The following CUX2 variants were observed in gnomAD, a reference collection of about 807,000 sequenced individuals.
CUX2 encodes homeobox protein cut-like 2.
Under a neutral mutation model 144.8 loss-of-function variants are expected in CUX2, and 40 were observed. That is an observed-to-expected ratio of 0.28 (90% CI 0.21 to 0.36). The LOEUF is 0.36. Among genes scored for constraint, CUX2 ranks in the 10% least tolerant of loss-of-function variants. CUX2 has a pLI of 1.00. For missense variants in CUX2, 1,615 were observed against 1,994.0 expected (o/e 0.81, Z 3.62); for synonymous variants, 827 against 875.6 (o/e 0.94, Z 0.98).
At chr12:111,038,517 T>C (rs1869572129) in intron 1 of CUX2, among the ~76,000 whole-genome samples, 1 of 152,252 alleles carries the variant, frequency 6.6e-6, no homozygotes. Flanking sequence ...GACTCTCTTC[T>C]AACTCCAGCC....
intron 3 of CUX2, among the ~76,000 whole-genome samples, chr12:111,260,564 G>A (rs911229154): frequency 2.6e-5 from 4 of 152,086 alleles, no homozygotes; most frequent in African/African-American, 4.8e-5. Context: ...GTTTGAAATC[G>A]TTGCATTTCA....
chr12:111,336,776 A>G (rs1888373505), intron 19 of CUX2, among the ~76,000 whole-genome samples: 1 of 151,832 alleles, frequency 6.6e-6, no homozygotes. Context: ...TGTCTCTTTG[A>G]CACTTTCTGA....
At position 111,341,953 on chromosome 12, in the gene CUX2, T is replaced by C; in HGVS notation, c.3559T>C (p.Tyr1187His). The C allele has an allele frequency of 6.2e-7, 1 of 1,614,096 alleles. No individual in the cohort carries two copies. Among genetic ancestry groups the C allele is most frequent in the South Asian group, 1.1e-5 (1 of 91,078 alleles). Residue 1187 changes from tyrosine (Y) to histidine (H), a missense_variant, in exon 21 of 22, where the codon TAT becomes CAT. Physicochemically the swap from Tyr to His is moderately conservative, Grantham distance 83. Coordinates refer to ENST00000261726, the MANE Select transcript of CUX2 (RefSeq NM_015267.4). ...GGAGAAGGAGGCACTGCGGAAGGCC[T>C]ATCAGCTGGAACCCTACCCCTCGCA... Reference protein sequence around the residue: ...PEEKEALRKAYQLEPYPSQQT... With the variant: ...PEEKEALRKAHQLEPYPSQQT...
chr12:111,321,552 A>G (rs1355427137), intron 17 of CUX2, among the ~76,000 whole-genome samples: 1 of 151,960 alleles, frequency 6.6e-6, no homozygotes, highest in African/African-American at 2.4e-5. Flanking sequence ...AAATTAGCCA[A>G]GTGTGGTGGT....
intron 1 of CUX2, among the ~76,000 whole-genome samples, chr12:111,109,106 A>G (rs960740263): frequency 7.9e-5 from 12 of 152,156 alleles, no homozygotes; most frequent in South Asian, 2.1e-4. Flanking sequence ...GCTGGGTTTC[A>G]TGACCACTGA....
intron 1 of CUX2, among the ~76,000 whole-genome samples, chr12:111,128,033 G>A (rs1875203612): frequency 6.6e-6 from 1 of 152,192 alleles, no homozygotes; most frequent in African/African-American, 2.4e-5. Context: ...AACCATATCA[G>A]TGGGTAATAG....
intron 1 of CUX2, among the ~76,000 whole-genome samples, chr12:111,038,167 A>C (rs1869551123): frequency 6.6e-6 from 1 of 152,226 alleles, no homozygotes; most frequent in South Asian, 2.1e-4. Context: ...GATGTGATTA[A>C]AATATTATAA....
At chr12:111,047,419 G>A (rs985573011) in intron 1 of CUX2, among the ~76,000 whole-genome samples, 9 of 152,020 alleles carry the variant, frequency 5.9e-5, no homozygotes, top group East Asian at 1.9e-4. Context: ...TACAGTTCGC[G>A]TTTTTACCTT....
chr12:111,166,728 G>T (rs1566267574), intron 1 of CUX2, among the ~76,000 whole-genome samples: 1 of 152,242 alleles, frequency 6.6e-6, no homozygotes, highest in Non-Finnish European at 1.5e-5. Flanking sequence ...TTTGGTCCCT[G>T]AGAGTGGACC....
rs1454516342 is a variant in CUX2 at position 111,035,785 on chromosome 12, G to A, written c.63+1545G>A. On this transcript the variant is annotated intron_variant, in intron 1 of 21. Coordinates refer to ENST00000261726, the MANE Select transcript of CUX2 (RefSeq NM_015267.4). This position sits in a 1 kb window ranked among gnomAD's most constrained non-coding sequence, Gnocchi z 6.0. ...AGCCATTGAGCTGGGGAGAAAATCG[G>A]GGCACTGAGGCATGCAGTTAATAAC... 2.6e-5 allele frequency among the ~76,000 whole-genome samples: 4 copies of A among 152,098 alleles called. No individual in the cohort carries two copies. Among genetic ancestry groups the A allele is most frequent in the Admixed American group, 2.0e-4 (3 of 15,264 alleles).
chr12:111,185,362 CTG>C (rs1879462858), intron 1 of CUX2, among the ~76,000 whole-genome samples: 1 of 152,206 alleles, frequency 6.6e-6, no homozygotes, highest in Admixed American at 6.5e-5. Flanking sequence ...AGTACTGGCT[CTG>C]TTATTTACTG....
In CUX2 at chr12:111,293,077, T is replaced by C. The variant is rs192969081; in HGVS notation, c.437-369T>C. Among the ~76,000 whole-genome samples, 1 of 151,926 alleles carries C rather than the reference T, an allele frequency of 6.6e-6. No individual in the cohort carries two copies. Among genetic ancestry groups the C allele is most frequent in the East Asian group, 1.9e-4 (1 of 5,138 alleles). On this transcript the variant is annotated intron_variant, in intron 5 of 21. Transcript: ENST00000261726. This position sits in a 1 kb window ranked among gnomAD's most constrained non-coding sequence, Gnocchi z 4.5. ...GGCAGAGGTTGCAGTAAGCTGAGAT[T>C]GTGCCACTGCACTCGCAGTCCAGCC...
chr12:111,144,778 G>T (rs1876552489), intron 1 of CUX2, among the ~76,000 whole-genome samples: 1 of 152,192 alleles, frequency 6.6e-6, no homozygotes, highest in Non-Finnish European at 1.5e-5. Context: ...AGCAGTTGAG[G>T]GTGAAATTGG....
intron 18 of CUX2, among the ~76,000 whole-genome samples, chr12:111,324,121 C>A (rs138603049): frequency 0.011 from 1,673 of 152,010 alleles, 36 homozygotes; most frequent in African/African-American, 0.038. Context: ...GAGGCCAAGG[C>A]GGGCGGATCA....
At position 111,213,885 on chromosome 12, in the gene CUX2, T is replaced by G. The variant is rs549651762; in HGVS notation, c.64-315T>G. Among the ~76,000 whole-genome samples, 20 of 150,788 alleles carry G rather than the reference T, an allele frequency of 1.3e-4. No homozygotes were observed. The South Asian group carries it at 4.2e-3, about 32-fold the overall frequency. On this transcript the variant is annotated intron_variant, in intron 1 of 21. Coordinates refer to ENST00000261726, the MANE Select transcript of CUX2 (RefSeq NM_015267.4). ...TTATGCCATCACTCCTTTGGAAATT[T>G]AAGAGGTGGGGCAGGGGGTGGGGGG...
intron 1 of CUX2, among the ~76,000 whole-genome samples, chr12:111,083,048 G>A (rs1871992316): frequency 6.6e-6 from 1 of 152,080 alleles, no homozygotes; most frequent in South Asian, 2.1e-4. Flanking sequence ...TGCCTTTTAG[G>A]GTGCTTAGCA....
At chr12:111,165,550 GTGCTGCTGCCACTTGCTCAC>G (rs1308173817) in intron 1 of CUX2, among the ~76,000 whole-genome samples, 1 of 152,198 alleles carries the variant, frequency 6.6e-6, no homozygotes, top group Non-Finnish European at 1.5e-5. Context: ...TCAAATTCTG[GTGCTGCTGCCACTTGCTCAC>G]TGTATGACCC....
intron 9 of CUX2, among the ~76,000 whole-genome samples, chr12:111,301,407 G>A (rs1449007364): frequency 6.6e-6 from 1 of 152,208 alleles, no homozygotes; most frequent in Non-Finnish European, 1.5e-5. Context: ...TCTGAGAGAG[G>A]AAGGGAAAGA....
At chr12:111,297,165 C>G (rs533646588) in intron 8 of CUX2, among the ~76,000 whole-genome samples, 5 of 150,546 alleles carry the variant, frequency 3.3e-5, no homozygotes, top group Non-Finnish European at 5.9e-5. Flanking sequence ...CCCTCTGACC[C>G]TCCCAGACAC....
Sources: allele counts gnomAD v4.1 joint callset (sites outside exome capture counted in the v4.1 genomes callset), GRCh38; gene constraint gnomAD v4.1.1; non-coding constraint Gnocchi (gnomAD v3.1); transcripts MANE v1.5; gene names NCBI Gene and HGNC (gene_info 2026-07-23, HGNC 2026-07-21).